UBXN2A: variants seen among roughly 807,000 people sequenced by gnomAD.
UBXN2A encodes the protein UBX domain protein 2A, also known as UBX domain-containing protein 2A.
In UBXN2A, 28 loss-of-function variants were observed where a neutral mutation model predicts 28.4. That is an observed-to-expected ratio of 0.99 (90% CI 0.73 to 1.35). The LOEUF is 1.35. Ranked by LOEUF, UBXN2A falls within the 40% of genes most tolerant of loss-of-function variation. UBXN2A has a pLI of 0.00. For missense variants in UBXN2A, 253 were observed against 297.9 expected (o/e 0.85, Z 1.11); for synonymous variants, 97 against 103.6 (o/e 0.94, Z 0.39).
In UBXN2A at chr2:24,002,565, A is replaced by T. The variant is rs1708742442; in HGVS notation, c.*2698A>T. The T allele has an allele frequency of 6.6e-6, 1 of 151,952 alleles. No individual in the cohort carries two copies. Among genetic ancestry groups the T allele is most frequent in the Non-Finnish European group, 1.5e-5 (1 of 67,994 alleles). 9.4% of individuals were successfully genotyped at this position (151,952 alleles called of 1,614,324 possible). A position where few individuals can be genotyped will look rare whatever the true frequency, so the allele number is the denominator to read the frequency against. The stretch of plus-strand genomic sequence containing the variant: ...GCTGGGATTATAGGCGCCCACTACC[A>T]CGCCTGGCTAATTTTTGTATTTTTA... On this transcript the variant is annotated 3_prime_UTR_variant, in exon 7 of 7. Transcript: ENST00000309033.
At chr2:23,934,653 T>C (rs1705472485) in intron 1 of UBXN2A, among the ~76,000 whole-genome samples, 1 of 152,184 alleles carries the variant, frequency 6.6e-6, no homozygotes, top group African/African-American at 2.4e-5. Context: ...GGAGAGTATC[T>C]AATAAACAAA....
intron 6 of UBXN2A, among the ~76,000 whole-genome samples, chr2:23,991,967 G>GT (rs895625066): frequency 6.6e-6 from 1 of 150,776 alleles, no homozygotes; most frequent in Non-Finnish European, 1.5e-5. Context: ...AATTTTTGGG[G>GT]TTTTTTGTTT....
intron 5 of UBXN2A, 137 bp downstream of exon 5, chr2:23,983,170 AT>A: frequency 9.4e-7 from 1 of 1,069,232 alleles, no homozygotes; most frequent in Non-Finnish European, 1.2e-6. Flanking sequence ...TTTAATGTTA[AT>A]TTTTATGAGG....
Position 23,976,998 on chromosome 2 carries a change from C to T in UBXN2A, c.210C>T (p.Asn70=), listed in dbSNP as rs889574796. The T allele has an allele frequency of 5.0e-6, 8 of 1,611,544 alleles. No homozygotes were observed. Among genetic ancestry groups the T allele is most frequent in the African/African-American group, 4.0e-5 (3 of 74,840 alleles). Residue 70 remains asparagine (N), a synonymous_variant, in exon 4 of 7, where the codon AAC becomes AAT. Transcript: ENST00000309033. ...QVDVNIKLWK[N]GFTVNDDFRS... ...ATGTAAATATAAAATTATGGAAAAA[C>T]GGATTCACCGTCAACGACGATTTCA...
intron 4 of UBXN2A, among the ~76,000 whole-genome samples, chr2:23,979,642 C>A (rs10432638): frequency 0.32 from 48,407 of 151,990 alleles, 9,877 homozygotes; most frequent in East Asian, 0.62. Context: ...GATCATAGTT[C>A]ATTGCAGCTT....
chr2:23,953,707 G>A (rs1299803683), intron 1 of UBXN2A, among the ~76,000 whole-genome samples: 1 of 152,140 alleles, frequency 6.6e-6, no homozygotes, highest in East Asian at 1.9e-4. Context: ...TAATATATGT[G>A]TTGAAGAAAA....
Position 24,003,663 on chromosome 2 carries a change from G to A in UBXN2A, c.*3796G>A, listed in dbSNP as rs1252929769. 1 of 149,150 alleles carries A rather than the reference G, an allele frequency of 6.7e-6. No individual in the cohort carries two copies. The highest frequency in any genetic ancestry group is 1.5e-5 in the Non-Finnish European group (1 of 67,660). 9.2% of individuals were successfully genotyped at this position (149,150 alleles called of 1,614,324 possible). On this transcript the variant is annotated 3_prime_UTR_variant, in exon 7 of 7. Transcript: ENST00000309033. ...TAATAGAAAATAAATAATTATTGTT[G>A]GTAATGTTTACACAGCAGTGTTAGA... is the stretch of plus-strand genomic sequence containing the variant.
chr2:23,982,107 C>G (rs920229448), intron 4 of UBXN2A, among the ~76,000 whole-genome samples: 2 of 151,998 alleles, frequency 1.3e-5, no homozygotes, highest in African/African-American at 2.4e-5. Flanking sequence ...CACCTGTAAT[C>G]CCAGCACTTT....
intron 1 of UBXN2A, among the ~76,000 whole-genome samples, chr2:23,929,891 C>CTTTA (rs1000372286): frequency 6.6e-6 from 1 of 151,932 alleles, no homozygotes; most frequent in Non-Finnish European, 1.5e-5. Flanking sequence ...CAAATGTTAA[C>CTTTA]TTTATTTATT....
chr2:23,966,836 C>T (rs1707201993), intron 2 of UBXN2A, among the ~76,000 whole-genome samples: 1 of 145,932 alleles, frequency 6.9e-6, no homozygotes, highest in African/African-American at 2.5e-5. Context: ...AGTACATTGA[C>T]ATGATCTCAG....
chr2:23,999,469 C>T (rs1165665778), intron 6 of UBXN2A, among the ~76,000 whole-genome samples: 1 of 152,058 alleles, frequency 6.6e-6, no homozygotes, highest in African/African-American at 2.4e-5. Flanking sequence ...CCTGTGATCT[C>T]AGCACTTTGG....
intron 1 of UBXN2A, among the ~76,000 whole-genome samples, chr2:23,955,250 G>C (rs1412999147): frequency 6.6e-6 from 1 of 152,030 alleles, no homozygotes; most frequent in East Asian, 1.9e-4. Flanking sequence ...CCATTTTTAA[G>C]TTGCCATTTT....
intron 4 of UBXN2A, among the ~76,000 whole-genome samples, chr2:23,978,701 C>T (rs1391363802): frequency 4.0e-5 from 6 of 148,546 alleles, no homozygotes; most frequent in Admixed American, 6.7e-5. Flanking sequence ...CGGGGGCTTA[C>T]GCCTGTAATC....
intron 2 of UBXN2A, among the ~76,000 whole-genome samples, chr2:23,967,038 A>G (rs944892586): frequency 6.6e-6 from 1 of 151,972 alleles, no homozygotes; most frequent in East Asian, 1.9e-4. Context: ...GATTACAGGC[A>G]TGAGCCATTG....
intron 1 of UBXN2A, among the ~76,000 whole-genome samples, chr2:23,932,334 A>G (rs902642239): frequency 2.1e-5 from 1 of 47,612 alleles, no homozygotes; most frequent in South Asian, 8.9e-4. Context: ...CTTGGGGGAA[A>G]AAAAAAAAAA....
chr2:23,946,490 T>C (rs905409723), intron 1 of UBXN2A, among the ~76,000 whole-genome samples: 9 of 152,038 alleles, frequency 5.9e-5, no homozygotes, highest in African/African-American at 1.9e-4. Context: ...CTGGCTATTT[T>C]TTTTTGTATT....
At chr2:23,973,853 A>G (rs1707529947) in intron 3 of UBXN2A, among the ~76,000 whole-genome samples, 1 of 151,596 alleles carries the variant, frequency 6.6e-6, no homozygotes, top group South Asian at 2.1e-4. Flanking sequence ...GCTGGTCTCA[A>G]ACTCCTGACC....
intron 6 of UBXN2A, among the ~76,000 whole-genome samples, chr2:23,990,996 C>A (rs1043930940): frequency 6.6e-6 from 1 of 152,160 alleles, no homozygotes; most frequent in South Asian, 2.1e-4. Context: ...TGACATCCTA[C>A]ACTAGACAGC....
chr2:23,947,076 C>A (rs941781593), intron 1 of UBXN2A, among the ~76,000 whole-genome samples: 6 of 152,108 alleles, frequency 3.9e-5, no homozygotes, highest in Admixed American at 3.9e-4. Context: ...GTAGTAGTGA[C>A]AGGGTCTCAC....
Sources: allele counts gnomAD v4.1 joint callset (sites outside exome capture counted in the v4.1 genomes callset), GRCh38; gene constraint gnomAD v4.1.1; transcripts MANE v1.5; gene names NCBI Gene and HGNC (gene_info 2026-07-23, HGNC 2026-07-21).